The following DPP10 variants were observed in gnomAD, a reference collection of about 807,000 sequenced individuals.
DPP10 encodes the protein dipeptidyl peptidase like 10, also known as inactive dipeptidyl peptidase 10.
Under a neutral mutation model 120.9 loss-of-function variants are expected in DPP10, and 33 were observed. The observed-to-expected ratio is 0.27, with a 90% confidence interval of 0.21 to 0.37. DPP10 has a LOEUF of 0.37. Ranked by LOEUF, DPP10 falls within the 10% of genes least tolerant of loss-of-function variation. The pLI, the probability that DPP10 is intolerant of heterozygous loss-of-function variation, is 1.00. For missense variants in DPP10, 816 were observed against 942.8 expected, an observed-to-expected ratio of 0.87 and a Z score of 1.76; for synonymous variants, 337 against 326.1, an observed-to-expected ratio of 1.03 and a Z score of -0.36.
chr2:114,492,109 A>G (rs1232356636), intron 1 of DPP10, among the ~76,000 whole-genome samples: 2 of 152,170 alleles, frequency 1.3e-5, no homozygotes, highest in African/African-American at 2.4e-5. Flanking sequence ...GGTTAAGGGC[A>G]TCAGTTGAAA....
intron 3 of DPP10, among the ~76,000 whole-genome samples, chr2:115,459,564 G>A (rs1350363385): frequency 1.3e-5 from 2 of 151,928 alleles, no homozygotes; most frequent in African/African-American, 4.8e-5. Flanking sequence ...GGCAATATTA[G>A]CATTGTGATA....
At chr2:115,463,752 T>C (rs2074130938) in intron 3 of DPP10, among the ~76,000 whole-genome samples, 1 of 152,212 alleles carries the variant, frequency 6.6e-6, no homozygotes, top group African/African-American at 2.4e-5. Context: ...TTAAAAATCC[T>C]GTCTCTCAAC....
At chr2:114,955,342 A>C (rs1311128662) in intron 1 of DPP10, among the ~76,000 whole-genome samples, 2 of 152,114 alleles carry the variant, frequency 1.3e-5, no homozygotes, top group African/African-American at 4.8e-5. Flanking sequence ...CAAGGTCTTC[A>C]TGGCCTGTAT....
At chr2:115,568,565 G>A (rs1329166177) in intron 5 of DPP10, among the ~76,000 whole-genome samples, 1 of 116,002 alleles carries the variant, frequency 8.6e-6, no homozygotes, top group East Asian at 2.5e-4. Context: ...TTTTTTTTTT[G>A]TATTTTTAAA....
chr2:114,994,371 T>C (rs778597008), intron 1 of DPP10, among the ~76,000 whole-genome samples: 2 of 152,174 alleles, frequency 1.3e-5, no homozygotes, highest in Non-Finnish European at 2.9e-5. Context: ...ATAGATAAAT[T>C]TTATTTAAAA....
intron 3 of DPP10, among the ~76,000 whole-genome samples, chr2:115,390,767 G>T (rs1159893537): frequency 6.6e-6 from 1 of 152,104 alleles, no homozygotes; most frequent in Admixed American, 6.6e-5. Flanking sequence ...TAAACTGAAT[G>T]CCAAAACTAT....
At chr2:114,497,991 C>T (rs1269171967) in intron 1 of DPP10, among the ~76,000 whole-genome samples, 1 of 152,138 alleles carries the variant, frequency 6.6e-6, no homozygotes, top group African/African-American at 2.4e-5. Flanking sequence ...GATTGTTCTA[C>T]CAAGTACTTT....
chr2:114,487,129 C>G (rs2104708902), intron 1 of DPP10, among the ~76,000 whole-genome samples: 1 of 152,300 alleles, frequency 6.6e-6, no homozygotes, highest in South Asian at 2.1e-4. Flanking sequence ...CCAGCTAATA[C>G]TGTTGTAAAT....
intron 7 of DPP10, among the ~76,000 whole-genome samples, chr2:115,711,923 T>G (rs1176786756): frequency 1.3e-5 from 2 of 148,476 alleles, no homozygotes; most frequent in Non-Finnish European, 3.0e-5. Flanking sequence ...CTGGTTTTTT[T>G]TTTTTTTTTT....
At chr2:114,604,908 A>G (rs1043533266) in intron 1 of DPP10, among the ~76,000 whole-genome samples, 1 of 152,100 alleles carries the variant, frequency 6.6e-6, no homozygotes, top group Non-Finnish European at 1.5e-5. Flanking sequence ...TTGAGGCTCC[A>G]TGTGGTTAAG....
chr2:115,651,013 C>T (rs997238389), intron 5 of DPP10, among the ~76,000 whole-genome samples: 1 of 152,154 alleles, frequency 6.6e-6, no homozygotes, highest in East Asian at 1.9e-4. Context: ...CCCCATGCCA[C>T]CATACCTTAT....
chr2:115,334,550 A>G (rs1192927452), intron 2 of DPP10, among the ~76,000 whole-genome samples: 1 of 151,878 alleles, frequency 6.6e-6, no homozygotes, highest in Admixed American at 6.6e-5. Context: ...ACACTTCTGA[A>G]AAGAGACTTT....
chr2:114,643,381 C>T (rs1319969960), intron 1 of DPP10, among the ~76,000 whole-genome samples: 2 of 151,888 alleles, frequency 1.3e-5, no homozygotes. Flanking sequence ...CCCATGCACA[C>T]TTAGTTTATC....
chr2:115,763,471 A>C (rs1031445820), intron 12 of DPP10, among the ~76,000 whole-genome samples: 6 of 152,146 alleles, frequency 3.9e-5, no homozygotes, highest in Non-Finnish European at 8.8e-5. Flanking sequence ...GGACTCAATG[A>C]CATAATTATC....
intron 1 of DPP10, among the ~76,000 whole-genome samples, chr2:114,617,767 G>T (rs1024680314): frequency 6.6e-6 from 1 of 152,052 alleles, no homozygotes; most frequent in East Asian, 1.9e-4. Context: ...TGATAGAAAG[G>T]ACTTTCTTTT....
At chr2:114,993,601 T>TATATATATATAC (rs1241083441) in intron 1 of DPP10, among the ~76,000 whole-genome samples, 1 of 144,230 alleles carries the variant, frequency 6.9e-6, no homozygotes, top group East Asian at 2.0e-4. Context: ...TATATATATA[T>TATATATATATAC]ATATATGAAT....
intron 5 of DPP10, among the ~76,000 whole-genome samples, chr2:115,544,661 A>G (rs1205463819): frequency 6.6e-6 from 1 of 152,016 alleles, no homozygotes; most frequent in East Asian, 1.9e-4. Flanking sequence ...TTAAGGGTCA[A>G]AGCTAAATCA....
intron 7 of DPP10, among the ~76,000 whole-genome samples, chr2:115,720,946 G>C (rs1462812943): frequency 6.6e-6 from 1 of 152,138 alleles, no homozygotes; most frequent in Non-Finnish European, 1.5e-5. Flanking sequence ...AAAGAGCTGA[G>C]GATATGGTTG....
intron 5 of DPP10, among the ~76,000 whole-genome samples, chr2:115,637,742 G>A (rs2086462605): frequency 6.6e-6 from 1 of 152,152 alleles, no homozygotes; most frequent in South Asian, 2.1e-4. Context: ...CTAGGAGGGA[G>A]GCCCCTGTGA....
Sources: allele counts gnomAD v4.1 joint callset (sites outside exome capture counted in the v4.1 genomes callset), GRCh38; gene constraint gnomAD v4.1.1; transcripts MANE v1.5; gene names NCBI Gene and HGNC (gene_info 2026-07-23, HGNC 2026-07-21).